DNAJC1: variants seen among roughly 807,000 people sequenced by gnomAD.
DNAJC1 encodes the protein dnaJ homolog subfamily C member 1.
In DNAJC1, 58 loss-of-function variants were observed where a neutral mutation model predicts 76.6. That is an observed-to-expected ratio of 0.76 (90% CI 0.61 to 0.94). DNAJC1 has a LOEUF of 0.94. Among genes scored for constraint, DNAJC1 ranks in the 40% least tolerant of loss-of-function variants. The pLI is 0.00. For missense variants in DNAJC1, 689 were observed against 677.3 expected (o/e 1.02, Z -0.19); for synonymous variants, 258 against 267.9 (o/e 0.96, Z 0.36).
intron 1 of DNAJC1, among the ~76,000 whole-genome samples, chr10:21,967,174 A>G (rs1423797948): frequency 3.9e-5 from 6 of 152,166 alleles, no homozygotes; most frequent in African/African-American, 1.2e-4. Flanking sequence ...TCATCACTCC[A>G]AAAGTTCTAT....
chr10:21,972,502 A>G (rs1590074000), intron 1 of DNAJC1, among the ~76,000 whole-genome samples: 2 of 152,158 alleles, frequency 1.3e-5, no homozygotes, highest in East Asian at 3.9e-4. Flanking sequence ...TCACATTTGA[A>G]GACAAACAGA....
intron 1 of DNAJC1, among the ~76,000 whole-genome samples, chr10:21,994,378 T>C (rs548601074): frequency 2.6e-5 from 4 of 152,344 alleles, no homozygotes; most frequent in South Asian, 2.1e-4. Flanking sequence ...TTAAATCTTA[T>C]ATACTTCCAA....
At chr10:21,949,906 T>G (rs1244436750) in intron 1 of DNAJC1, among the ~76,000 whole-genome samples, 3 of 152,174 alleles carry the variant, frequency 2.0e-5, no homozygotes, top group Non-Finnish European at 4.4e-5. Context: ...ACTGGGTTGA[T>G]TTCATTCAAA....
intron 8 of DNAJC1, among the ~76,000 whole-genome samples, chr10:21,868,062 C>G (rs1259385823): frequency 1.4e-5 from 1 of 69,522 alleles, no homozygotes; most frequent in Admixed American, 2.1e-4. Flanking sequence ...GGTGACAGAG[C>G]AAGATTCTGT....
intron 1 of DNAJC1, among the ~76,000 whole-genome samples, chr10:21,940,140 A>T (rs1461800852): frequency 6.6e-6 from 1 of 152,114 alleles, no homozygotes; most frequent in Non-Finnish European, 1.5e-5. Flanking sequence ...CCAGATGCAT[A>T]TAAAATTTAA....
chr10:21,983,576 C>T (rs910491648), intron 1 of DNAJC1, among the ~76,000 whole-genome samples: 8 of 151,948 alleles, frequency 5.3e-5, no homozygotes, highest in Middle Eastern at 3.2e-3. Flanking sequence ...AAAAATTAGC[C>T]GGGTGTGGTG....
intron 11 of DNAJC1, 89 bp from the exon 12 acceptor site, chr10:21,756,844 GA>G: frequency 1.6e-6 from 2 of 1,246,370 alleles, no homozygotes; most frequent in African/African-American, 3.0e-5. Flanking sequence ...TTCTGCTCAT[GA>G]AGAGCCTCAC....
intron 8 of DNAJC1, among the ~76,000 whole-genome samples, chr10:21,834,465 C>A (rs542971110): frequency 1.3e-5 from 2 of 152,148 alleles, no homozygotes; most frequent in Admixed American, 6.5e-5. Context: ...GAGTACCAGA[C>A]AGTAGGTGCA....
intron 8 of DNAJC1, among the ~76,000 whole-genome samples, chr10:21,811,076 G>C (rs1351426116): frequency 6.6e-6 from 1 of 152,126 alleles, no homozygotes; most frequent in Admixed American, 6.5e-5. Context: ...AGGAATGCAG[G>C]TATGACATCA....
chr10:21,803,078 T>C (rs528181591), intron 9 of DNAJC1, among the ~76,000 whole-genome samples: 13 of 152,276 alleles, frequency 8.5e-5, no homozygotes, highest in African/African-American at 3.1e-4. Flanking sequence ...AATCTAACTC[T>C]GCTAATTATG....
At chr10:22,001,941 A>G (rs1251088497) in intron 1 of DNAJC1, among the ~76,000 whole-genome samples, 1 of 152,238 alleles carries the variant, frequency 6.6e-6, no homozygotes, top group East Asian at 1.9e-4. Context: ...GCAACAGATC[A>G]TAAATATAGT....
At chr10:21,838,312 T>C (rs555176007) in intron 8 of DNAJC1, among the ~76,000 whole-genome samples, 1 of 152,348 alleles carries the variant, frequency 6.6e-6, no homozygotes, top group East Asian at 1.9e-4. Flanking sequence ...GCTGTTAATC[T>C]ATAACCTTAC....
At chr10:21,993,759 T>C (rs1038290108) in intron 1 of DNAJC1, among the ~76,000 whole-genome samples, 1 of 152,232 alleles carries the variant, frequency 6.6e-6, no homozygotes, top group African/African-American at 2.4e-5. Flanking sequence ...TGCTTTATTA[T>C]AGAAATATAT....
intron 8 of DNAJC1, among the ~76,000 whole-genome samples, chr10:21,864,539 T>C (rs1422523187): frequency 6.6e-6 from 1 of 151,930 alleles, no homozygotes; most frequent in African/African-American, 2.4e-5. Flanking sequence ...GGAGAATTGC[T>C]TGAACCCGGG....
intron 7 of DNAJC1, among the ~76,000 whole-genome samples, chr10:21,883,912 AATTT>A (rs948146398): frequency 2.7e-4 from 41 of 152,352 alleles, no homozygotes; most frequent in African/African-American, 9.6e-4. Context: ...GTGGGAAAAC[AATTT>A]ATTAAGTAAT....
chr10:21,973,278 T>G (rs1052679874), intron 1 of DNAJC1, among the ~76,000 whole-genome samples: 41 of 152,144 alleles, frequency 2.7e-4, no homozygotes, highest in African/African-American at 8.9e-4. Flanking sequence ...CACCAATGAA[T>G]GAAACTGACA....
chr10:21,900,342 C>CA (rs938736622), intron 7 of DNAJC1, among the ~76,000 whole-genome samples: 200 of 105,746 alleles, frequency 1.9e-3, no homozygotes, highest in African/African-American at 5.5e-3. Context: ...GACTCCATCT[C>CA]AAAAAAAAAA....
At chr10:21,821,436 G>A (rs745882662) in intron 8 of DNAJC1, among the ~76,000 whole-genome samples, 1 of 152,034 alleles carries the variant, frequency 6.6e-6, no homozygotes, top group Non-Finnish European at 1.5e-5. Flanking sequence ...AAAGTTTGGG[G>A]ACTATGCCTC....
chr10:21,812,036 T>C (rs1198961780), intron 8 of DNAJC1, among the ~76,000 whole-genome samples: 2 of 152,110 alleles, frequency 1.3e-5, no homozygotes, highest in East Asian at 1.9e-4. Flanking sequence ...GTGGTAATAA[T>C]TTGCATTTCC....
Sources: gnomAD v4.1 joint callset for allele counts (sites outside exome capture counted in the v4.1 genomes callset) on GRCh38, gnomAD v4.1.1 for gene constraint, MANE v1.5 for transcripts, NCBI Gene and HGNC (gene_info 2026-07-23, HGNC 2026-07-21) for gene names.